Variants in KLHDC1 observed in about 807,000 individuals in gnomAD.
The protein encoded by KLHDC1 is kelch domain containing 1, also known as kelch domain-containing protein 1.
Under a neutral mutation model 68.3 loss-of-function variants are expected in KLHDC1, and 53 were observed. The observed-to-expected ratio is 0.78, with a 90% CI of 0.62 to 0.98. The LOEUF is 0.98. Ranked by LOEUF, KLHDC1 falls within the 50% of genes least tolerant of loss-of-function variation. The pLI is 0.00. For synonymous variants in KLHDC1, 148 were observed against 159.0 expected, an observed-to-expected ratio of 0.93 and a Z score of 0.52; for missense variants, 470 against 492.3, an observed-to-expected ratio of 0.95 and a Z score of 0.43.
At chr14:49,722,735 A>T (rs548986679) in intron 4 of KLHDC1, among the ~76,000 whole-genome samples, 15 of 152,106 alleles carry the variant, frequency 9.9e-5, no homozygotes, top group Admixed American at 6.5e-4. Context: ...GTGAAAAGCA[A>T]GTCTCACATG....
At chr14:49,739,018 G>T (rs1254058882) in intron 10 of KLHDC1, among the ~76,000 whole-genome samples, 1 of 152,218 alleles carries the variant, frequency 6.6e-6, no homozygotes, top group African/African-American at 2.4e-5. Flanking sequence ...AAAGTAGCAT[G>T]CAGAGCAGTT....
At chr14:49,697,529 A>AAC (rs1887779385) in intron 1 of KLHDC1, among the ~76,000 whole-genome samples, 2 of 152,260 alleles carry the variant, frequency 1.3e-5, no homozygotes, top group South Asian at 4.1e-4. Flanking sequence ...TGCTGTTGGA[A>AAC]AAATGGTGCC....
chr14:49,742,486 C>T (rs895641740), intron 11 of KLHDC1, among the ~76,000 whole-genome samples: 1 of 151,806 alleles, frequency 6.6e-6, no homozygotes, highest in South Asian at 2.1e-4. Context: ...GCCTGGCCAA[C>T]ATGGCAAAAC....
At chr14:49,718,520 A>G (rs563034129) in intron 4 of KLHDC1, among the ~76,000 whole-genome samples, 2 of 152,190 alleles carry the variant, frequency 1.3e-5, no homozygotes, top group Admixed American at 6.5e-5. Context: ...GACTCAGGCA[A>G]TCTGCCTACC....
At chr14:49,704,387 GTTT>G (rs35067251) in intron 1 of KLHDC1, among the ~76,000 whole-genome samples, 1 of 68,688 alleles carries the variant, frequency 1.5e-5, no homozygotes, top group Non-Finnish European at 2.4e-5. Flanking sequence ...TTCCTTTTCT[GTTT>G]TTTTTTTTTT....
chr14:49,746,540 G>A (rs1427002352), intron 12 of KLHDC1, among the ~76,000 whole-genome samples: 1 of 152,150 alleles, frequency 6.6e-6, no homozygotes. Context: ...TAGAACATTT[G>A]GATTGAAAAG....
chr14:49,742,451 C>T (rs1030898948), intron 11 of KLHDC1, among the ~76,000 whole-genome samples: 7 of 151,564 alleles, frequency 4.6e-5, no homozygotes, highest in African/African-American at 1.7e-4. Context: ...GGGCAGATCA[C>T]CCTGAGATCA....
At chr14:49,694,824 A>T (rs1441862176) in intron 1 of KLHDC1, among the ~76,000 whole-genome samples, 1 of 152,232 alleles carries the variant, frequency 6.6e-6, no homozygotes, top group Non-Finnish European at 1.5e-5. Flanking sequence ...ATTGCATTCC[A>T]GCCTGGGCGA....
chr14:49,695,785 C>T (rs147592570), intron 1 of KLHDC1, among the ~76,000 whole-genome samples: 1 of 152,290 alleles, frequency 6.6e-6, no homozygotes, highest in African/African-American at 2.4e-5. Context: ...CTATTGTTGG[C>T]CGGGCACGTT....
intron 8 of KLHDC1, among the ~76,000 whole-genome samples, chr14:49,730,791 G>C (rs1269721826): frequency 6.6e-6 from 1 of 151,762 alleles, no homozygotes; most frequent in African/African-American, 2.4e-5. Context: ...TGGCCAACAT[G>C]GTGAAACCCC....
intron 11 of KLHDC1, among the ~76,000 whole-genome samples, chr14:49,741,523 T>C (rs1889066471): frequency 6.6e-6 from 1 of 152,052 alleles, no homozygotes. Flanking sequence ...GTCAGGCTGG[T>C]CTTGAACTCC....
At chr14:49,710,653 T>C (rs1443708675) in intron 4 of KLHDC1, among the ~76,000 whole-genome samples, 2 of 152,212 alleles carry the variant, frequency 1.3e-5, no homozygotes, top group East Asian at 3.8e-4. Flanking sequence ...ACAATATCTA[T>C]CATTCCCCTA....
In KLHDC1 at chr14:49,740,259, T is replaced by C. The variant is rs1889028450; in HGVS notation, c.981+77T>C. The C allele has an allele frequency of 4.9e-6, 4 of 813,528 alleles. No homozygotes were observed. In the South Asian group the frequency reaches 5.0e-5, roughly 10 times the overall value. The allele number at this position is 813,528 out of a possible 1,614,324, so 50.4% of individuals were successfully genotyped here. On this transcript the variant is annotated intron_variant, in intron 11 of 12. Coordinates refer to ENST00000359332, the MANE Select transcript of KLHDC1 (RefSeq NM_172193.3). Reference sequence around the variant, plus strand: ...ACTAAATGGCTATTCAGCAAGAATGTTGATATTCTAACATTGCAAAATATG... The same window carrying C: ...ACTAAATGGCTATTCAGCAAGAATGCTGATATTCTAACATTGCAAAATATG...
At chr14:49,734,247 G>T (rs886546365) in intron 9 of KLHDC1, among the ~76,000 whole-genome samples, 1 of 152,092 alleles carries the variant, frequency 6.6e-6, no homozygotes, top group Admixed American at 6.6e-5. Context: ...TAATGGCATT[G>T]TGGTTATGTA....
intron 1 of KLHDC1, 93 bp downstream of exon 1, chr14:49,693,383 G>A (rs1887626807): frequency 3.2e-6 from 3 of 951,750 alleles, no homozygotes; most frequent in Non-Finnish European, 4.3e-6. Flanking sequence ...CCGAGGCTGC[G>A]GCCCAGGCCT....
At chr14:49,734,148 C>A (rs944962174) in intron 9 of KLHDC1, among the ~76,000 whole-genome samples, 1 of 152,054 alleles carries the variant, frequency 6.6e-6, no homozygotes, top group East Asian at 1.9e-4. Flanking sequence ...AGTCAATTTC[C>A]TCCCTTAAAG....
chr14:49,748,547 G>C (rs376996572), intron 12 of KLHDC1, among the ~76,000 whole-genome samples: 1 of 152,036 alleles, frequency 6.6e-6, no homozygotes, highest in African/African-American at 2.4e-5. Context: ...GGCTTATATC[G>C]TCTAGTAGAT....
chr14:49,699,367 G>A (rs1180207050), intron 1 of KLHDC1, among the ~76,000 whole-genome samples: 2 of 151,328 alleles, frequency 1.3e-5, no homozygotes, highest in Non-Finnish European at 2.9e-5. Flanking sequence ...GGCATAAGTG[G>A]AAGGAAAGGG....
At chr14:49,733,387 T>C (rs1486291448) in intron 9 of KLHDC1, among the ~76,000 whole-genome samples, 2 of 152,166 alleles carry the variant, frequency 1.3e-5, no homozygotes, top group Non-Finnish European at 2.9e-5. Flanking sequence ...TATTGACTTC[T>C]TAATTTGGCA....
Sources: allele counts gnomAD v4.1 joint callset (sites outside exome capture counted in the v4.1 genomes callset), GRCh38; gene constraint gnomAD v4.1.1; transcripts MANE v1.5; gene names NCBI Gene and HGNC (gene_info 2026-07-23, HGNC 2026-07-21).